Variants in VDR observed in about 807,000 individuals in gnomAD.
VDR encodes vitamin D3 receptor.
Under a neutral mutation model 39.7 loss-of-function variants are expected in VDR, and 19 were observed. The ratio of observed to expected loss-of-function variants is 0.48; its 90% CI spans 0.33 to 0.70. VDR has a LOEUF of 0.70. VDR is among the 30% of genes least tolerant of loss of function. The probability of loss-of-function intolerance (pLI) is 0.02; values close to 1 mark genes in which losing one functional copy is unlikely to be tolerated. For synonymous variants in VDR, 242 were observed against 215.8 expected, an observed-to-expected ratio of 1.12 and a Z score of -1.07; for missense variants, 442 against 570.5, an observed-to-expected ratio of 0.77 and a Z score of 2.29.
chr12:47,846,836 GGTTACCA>G (rs1945290567), intron 7 of VDR, 28 bp from the exon 8 acceptor site: 3 of 1,613,822 alleles, frequency 1.9e-6, no homozygotes. Context: ...AAGGAGGTCA[GGTTACCA>G]GTAAACGCCT....
At chr12:47,858,726 T>A (rs911945653) in intron 4 of VDR, among the ~76,000 whole-genome samples, 1 of 152,254 alleles carries the variant, frequency 6.6e-6, no homozygotes, top group Non-Finnish European at 1.5e-5. Flanking sequence ...ACTTGCTTGG[T>A]GCTGCTGCTG....
chr12:47,856,552 A>AT (rs1945490846), intron 6 of VDR, among the ~76,000 whole-genome samples: 1 of 152,010 alleles, frequency 6.6e-6, no homozygotes, highest in African/African-American at 2.4e-5. Flanking sequence ...ACAATGCCAT[A>AT]TAAAAAAAAG....
intron 2 of VDR, among the ~76,000 whole-genome samples, chr12:47,882,133 C>A (rs2137211063): frequency 6.6e-6 from 1 of 152,322 alleles, no homozygotes; most frequent in South Asian, 2.1e-4. Flanking sequence ...GGCAGTCCTG[C>A]AATGGGGTGG....
chr12:47,880,581 T>C (rs943320922), intron 2 of VDR, among the ~76,000 whole-genome samples: 2 of 152,102 alleles, frequency 1.3e-5, no homozygotes, highest in Non-Finnish European at 1.5e-5. Flanking sequence ...CAAGAATATG[T>C]TATCATCAGT....
chr12:47,871,466 C>CTTT (rs11332250), intron 3 of VDR, among the ~76,000 whole-genome samples: 10 of 114,496 alleles, frequency 8.7e-5, no homozygotes, highest in African/African-American at 3.5e-4. Flanking sequence ...CTCTTTCTTT[C>CTTT]TTTTTTTTTT....
chr12:47,844,636 G>C lies in VDR; in HGVS notation c.*110C>G. 2 of 1,480,038 alleles carry C rather than the reference G, an allele frequency of 1.4e-6. No homozygotes were observed. The highest frequency in any genetic ancestry group is 1.9e-6 in the Non-Finnish European group (2 of 1,078,676). 91.7% of individuals were successfully genotyped at this position (1,480,038 alleles called of 1,614,324 possible). A position where few individuals can be genotyped will look rare whatever the true frequency, so the allele number is the denominator to read the frequency against. ...GGATAGGGGAGGTGGCAGAGGAGGG[G>C]CTGAACCCCAGACGGGGTGAGGAGG... On this transcript the variant is annotated 3_prime_UTR_variant, in exon 10 of 10. Coordinates refer to ENST00000549336, the MANE Select transcript of VDR (RefSeq NM_000376.3).
rs1945292786 is a variant in VDR, at chr12:47,846,954, A to T, written c.756-146T>A. The T allele has an allele frequency of 3.2e-6, 3 of 935,372 alleles. No homozygotes were observed. The South Asian group carries it at 4.0e-5, about 13-fold the overall frequency. The allele number at this position is 935,372 out of a possible 1,614,324, so 57.9% of individuals were successfully genotyped here. A position where few individuals can be genotyped will look rare whatever the true frequency, so the allele number is the denominator to read the frequency against. ...ATCGAGGAGCTTGCAGGCTGGCTGGAAGGGACAAGAGTGTTCCTTGAGAGA... is the reference window on the plus strand; with the variant it reads ...ATCGAGGAGCTTGCAGGCTGGCTGGTAGGGACAAGAGTGTTCCTTGAGAGA... On this transcript the variant is annotated intron_variant, in intron 7 of 9. Coordinates refer to ENST00000549336, the MANE Select transcript of VDR (RefSeq NM_000376.3).
chr12:47,882,655 G>T, intron 2 of VDR, 39 bp downstream of exon 2: 1 of 238,352 alleles, frequency 4.2e-6, no homozygotes, highest in Non-Finnish European at 7.1e-6. Context: ...CTTGAAAACA[G>T]AAAGCCAGGG....
intron 3 of VDR, among the ~76,000 whole-genome samples, chr12:47,867,082 G>A (rs1246733335): frequency 1.3e-5 from 2 of 150,292 alleles, no homozygotes; most frequent in African/African-American, 4.9e-5. Flanking sequence ...GAGGCTGGGT[G>A]TGGTGGCTCA....
chr12:47,874,502 C>A (rs1945959915), intron 3 of VDR, among the ~76,000 whole-genome samples: 1 of 152,192 alleles, frequency 6.6e-6, no homozygotes, highest in Non-Finnish European at 1.5e-5. Flanking sequence ...CCTCGCCAGC[C>A]TACCTTTTGC....
chr12:47,904,675 C>A (rs1946636166), intron 1 of VDR: 1 of 1,523,484 alleles, frequency 6.6e-7, no homozygotes, highest in South Asian at 1.2e-5. Context: ...CTTCTTGTTG[C>A]CCAAGTGCTA....
At chr12:47,864,022 C>T (rs150547173) in intron 4 of VDR, among the ~76,000 whole-genome samples, 46 of 152,318 alleles carry the variant, frequency 3.0e-4, no homozygotes, top group Non-Finnish European at 5.4e-4. Flanking sequence ...CAGGAGGGTC[C>T]GCATCTGAGC....
At chr12:47,879,180 T>TG (rs35580075) in intron 2 of VDR, 65 bp from the exon 3 acceptor site, 2 of 1,572,904 alleles carry the variant, frequency 1.3e-6, no homozygotes, top group South Asian at 2.3e-5. Context: ...CTGGCATCCT[T>TG]GGTGCCACCC....
chr12:47,872,023 G>T (rs951498055), intron 3 of VDR, among the ~76,000 whole-genome samples: 1 of 152,224 alleles, frequency 6.6e-6, no homozygotes, highest in African/African-American at 2.4e-5. Flanking sequence ...TAAGAATTGG[G>T]TTGAATAGGT....
rs1435517159 is a variant in VDR at position 47,899,046 on chromosome 12, C to A, written c.-84+5909G>T. ...ATATAATCTTGTGTATGTGATATATCGCGGTTTTTAAAAATGAACAAAAAA... is the reference window on the plus strand; with the variant it reads ...ATATAATCTTGTGTATGTGATATATAGCGGTTTTTAAAAATGAACAAAAAA... On this transcript the variant is annotated intron_variant, in intron 1 of 9. Coordinates refer to ENST00000549336, the MANE Select transcript of VDR (RefSeq NM_000376.3). 2.0e-5 allele frequency among the ~76,000 whole-genome samples: 3 copies of A among 152,056 alleles called. No homozygotes were observed. The East Asian group carries it at 5.8e-4, about 29-fold the overall frequency.
At chr12:47,882,622 T>TGCCCCCGG in intron 2 of VDR, 72 bp downstream of exon 2, 1 of 603,850 alleles carries the variant, frequency 1.7e-6, no homozygotes. Flanking sequence ...CACCTTCTTA[T>TGCCCCCGG]GCCCCTCCCC....
At chr12:47,865,025 T>G in intron 4 of VDR, 22 bp downstream of exon 4, 1 of 1,612,284 alleles carries the variant, frequency 6.2e-7, no homozygotes, top group Non-Finnish European at 8.5e-7. Flanking sequence ...GCCCAAACCC[T>G]GCCCAGCCCC....
rs147241069 is a variant in VDR at position 47,879,426 on chromosome 12, G to T, written c.-2-311C>A. On this transcript the variant is annotated intron_variant, in intron 2 of 9. Transcript: ENST00000549336. ...TCTGCATGCCCCCGCTGTCTGCATT[G>T]GAAGAGGTGTTTTACTTCCAGGGTG... is the stretch of plus-strand genomic sequence containing the variant. 5.3e-3 allele frequency among the ~76,000 whole-genome samples: 801 copies of T among 152,340 alleles called. 9 individuals carry two copies. The highest frequency in any genetic ancestry group is 0.018 in the African/African-American group (758 of 41,566).
At chr12:47,859,818 T>C (rs903274069) in intron 4 of VDR, among the ~76,000 whole-genome samples, 2 of 152,152 alleles carry the variant, frequency 1.3e-5, no homozygotes, top group Non-Finnish European at 2.9e-5. Flanking sequence ...CTTACAATTC[T>C]TTCTTTTCTC....
Sources: allele counts gnomAD v4.1 joint callset (sites outside exome capture counted in the v4.1 genomes callset), GRCh38; gene constraint gnomAD v4.1.1; transcripts MANE v1.5; gene names NCBI Gene and HGNC (gene_info 2026-07-23, HGNC 2026-07-21).